YTHDF2: variants seen among roughly 807,000 people sequenced by gnomAD.
YTHDF2 encodes the protein YTH N6-methyladenosine RNA binding protein F2.
Under a neutral mutation model 50.4 loss-of-function variants are expected in YTHDF2, and 2 were observed. The observed-to-expected ratio is 0.04, with a 90% CI of 0.02 to 0.12. The LOEUF (loss-of-function observed/expected upper bound fraction) is 0.12, where lower values mean the gene tolerates loss of function less well. Ranked by LOEUF, YTHDF2 falls within the 10% of genes least tolerant of loss-of-function variation. YTHDF2 has a pLI of 1.00. For synonymous variants in YTHDF2, 217 were observed against 255.6 expected (o/e 0.85, Z 1.44); for missense variants, 483 against 722.6 (o/e 0.67, Z 3.80).
intron 4 of YTHDF2, among the ~76,000 whole-genome samples, chr1:28,744,265 A>C (rs2087823196): frequency 6.6e-6 from 1 of 151,164 alleles, no homozygotes; most frequent in Non-Finnish European, 1.5e-5. Context: ...AAAGAGGTGA[A>C]GAATGAGTCA....
Position 28,742,418 on chromosome 1 carries a change from G to A in YTHDF2, c.148G>A (p.Ala50Thr). 6 of 1,566,726 alleles carry A rather than the reference G, an allele frequency of 3.8e-6. No individual in the cohort carries two copies. Among genetic ancestry groups the A allele is most frequent in the Non-Finnish European group, 4.3e-6 (5 of 1,159,578 alleles). Residue 50 changes from alanine to threonine, a missense_variant, in exon 4 of 5, where the codon GCC becomes ACC. Ala to Thr is a moderately conservative substitution (Grantham distance 58). Around this residue, in one of 4 missense-constraint regions of YTHDF2, gnomAD observed 385 missense variants for 475.8 expected, o/e 0.81. Coordinates refer to ENST00000373812, the MANE Select transcript of YTHDF2 (RefSeq NM_016258.3). ...TCTTCCACAGAATAATGCATATACTGCCATGTCAGATTCCTACTTACCCAG... is the reference window on the plus strand; with the variant it reads ...TCTTCCACAGAATAATGCATATACTACCATGTCAGATTCCTACTTACCCAG... ...PQARPNNAYT[A>T]MSDSYLPSYY...
chr1:28,752,163 C>G (rs1410898166), intron 4 of YTHDF2, among the ~76,000 whole-genome samples: 1 of 152,210 alleles, frequency 6.6e-6, no homozygotes. Flanking sequence ...CATTAAATTA[C>G]ATTATAATTA....
intron 3 of YTHDF2, among the ~76,000 whole-genome samples, chr1:28,741,161 C>T (rs1204304527): frequency 6.6e-6 from 1 of 152,062 alleles, no homozygotes; most frequent in African/African-American, 2.4e-5. Flanking sequence ...CCACGCCTGG[C>T]TAATTTTTGT....
At chr1:28,754,266 G>A (rs1262624870) in intron 4 of YTHDF2, among the ~76,000 whole-genome samples, 9 of 152,198 alleles carry the variant, frequency 5.9e-5, no homozygotes, top group African/African-American at 2.2e-4. Flanking sequence ...GTTGGCTCAC[G>A]CCTCTAATTC....
chr1:28,745,729 C>CG lies in YTHDF2; in HGVS notation c.1716+1743_1716+1744insG, dbSNP rs1457292374. The stretch of plus-strand genomic sequence containing the variant: ...CTAAACTCCCATCTCCCCCCGCCCC[C>CG]CCCCCCCAAAAAAAAACTAACATAT... On this transcript the variant is annotated intron_variant, in intron 4 of 4. Coordinates refer to ENST00000373812, the MANE Select transcript of YTHDF2 (RefSeq NM_016258.3). Among the ~76,000 whole-genome samples the CG allele has an allele frequency of 3.6e-5, 4 of 110,314 alleles. 1 individual carries two copies. The highest frequency in any genetic ancestry group is 1.7e-4 in the Admixed American group (2 of 11,510). The allele number at this position is 110,314 out of a possible 152,430, so 72.4% of individuals were successfully genotyped here. A position where few individuals can be genotyped will look rare whatever the true frequency, so the allele number is the denominator to read the frequency against.
intron 4 of YTHDF2, among the ~76,000 whole-genome samples, chr1:28,744,810 A>G (rs2087834280): frequency 6.6e-6 from 1 of 152,024 alleles, no homozygotes; most frequent in Non-Finnish European, 1.5e-5. Flanking sequence ...CTGGGATCAC[A>G]GTCATGCACC....
At chr1:28,764,465 G>T (rs868806783) in intron 4 of YTHDF2, among the ~76,000 whole-genome samples, 1 of 151,244 alleles carries the variant, frequency 6.6e-6, no homozygotes, top group Middle Eastern at 3.4e-3. Flanking sequence ...TTAGTAGTGG[G>T]GGTTTCACCA....
At chr1:28,749,240 G>C (rs2087911978) in intron 4 of YTHDF2, among the ~76,000 whole-genome samples, 2 of 150,062 alleles carry the variant, frequency 1.3e-5, no homozygotes, top group South Asian at 4.2e-4. Flanking sequence ...CGTCCAGGCG[G>C]GAGTGCAGTG....
At chr1:28,752,913 G>A (rs1366731697) in intron 4 of YTHDF2, among the ~76,000 whole-genome samples, 1 of 151,696 alleles carries the variant, frequency 6.6e-6, no homozygotes, top group Admixed American at 6.6e-5. Flanking sequence ...AGACTTGGTG[G>A]CGCATAACTA....
At chr1:28,737,733 G>T in intron 2 of YTHDF2, 51 bp downstream of exon 2, 1 of 1,603,770 alleles carries the variant, frequency 6.2e-7, no homozygotes, top group African/African-American at 1.3e-5. Flanking sequence ...ACGCGGGGCG[G>T]TGGGGGCGGG....
At chr1:28,744,862 T>C (rs2124172129) in intron 4 of YTHDF2, among the ~76,000 whole-genome samples, 1 of 152,020 alleles carries the variant, frequency 6.6e-6, no homozygotes, top group Non-Finnish European at 1.5e-5. Context: ...TAGAGCTGGG[T>C]TTTGCCATGT....
chr1:28,737,334 C>T, intron 1 of YTHDF2, 187 bp downstream of exon 1: 3 of 775,674 alleles, frequency 3.9e-6, no homozygotes, highest in East Asian at 3.2e-5. Flanking sequence ...CGCTTCTCCT[C>T]GGGCCTCGGA....
At chr1:28,757,112 C>T (rs897703260) in intron 4 of YTHDF2, among the ~76,000 whole-genome samples, 2 of 152,098 alleles carry the variant, frequency 1.3e-5, no homozygotes, top group African/African-American at 2.4e-5. Flanking sequence ...TCATTCCTTG[C>T]GGAATAAACA....
chr1:28,742,587 G>C lies in YTHDF2; in HGVS notation c.317G>C (p.Gly106Ala). 6.2e-7 allele frequency: 1 copy of C among 1,613,914 alleles called. No homozygotes were observed. The highest frequency in any genetic ancestry group is 8.5e-7 in the Non-Finnish European group (1 of 1,179,940). The change falls in exon 4 of 5, where the codon GGG becomes GCG. Residue 106 changes from glycine to alanine, a missense_variant. Gly to Ala is a moderately conservative substitution (Grantham distance 60, BLOSUM62 0). Coordinates refer to ENST00000373812, the MANE Select transcript of YTHDF2 (RefSeq NM_016258.3). ...EPHFLPDAMF[G>A]QPGALGSTPF... ...CACTTCCTACCAGATGCAATGTTTG[G>C]GCAACCAGGAGCCCTAGGTAGCACT... is the stretch of plus-strand genomic sequence containing the variant.
rs56916547 is a variant in YTHDF2, at chr1:28,751,090, C to CAA, written c.1716+7123_1716+7124dup. 2.1e-4 allele frequency among the ~76,000 whole-genome samples: 7 copies of CAA among 33,748 alleles called. 1 individual carries two copies. Among genetic ancestry groups the CAA allele is most frequent in the Admixed American group, 7.8e-4 (2 of 2,576 alleles). The allele number at this position is 33,748 out of a possible 152,430, so 22.1% of individuals were successfully genotyped here. Reference sequence around the variant, plus strand: ...CCTTTGTGACAGAGCGAGACTGTCTCAAAAAAAAAAAAAAAAAAAAGGCTG... The same window carrying CAA: ...CCTTTGTGACAGAGCGAGACTGTCTCAAAAAAAAAAAAAAAAAAAAAAGGCTG... On this transcript the variant is annotated intron_variant, in intron 4 of 4. Coordinates refer to ENST00000373812, the MANE Select transcript of YTHDF2 (RefSeq NM_016258.3).
chr1:28,756,517 T>C (rs1375111221), intron 4 of YTHDF2, among the ~76,000 whole-genome samples: 1 of 152,184 alleles, frequency 6.6e-6, no homozygotes, highest in Non-Finnish European at 1.5e-5. Flanking sequence ...GATTTTTACA[T>C]GTTCAGCTTC....
intron 4 of YTHDF2, among the ~76,000 whole-genome samples, chr1:28,766,369 C>T (rs11589088): frequency 0.046 from 7,030 of 152,116 alleles, 230 homozygotes; most frequent in East Asian, 0.14. Flanking sequence ...TGCCAGCTTC[C>T]GCCTCCCAGA....
chr1:28,736,992 G>A lies in YTHDF2; in HGVS notation c.-129G>A. 8.3e-7 allele frequency: 1 copy of A among 1,201,452 alleles called. No homozygotes were observed. Among genetic ancestry groups the A allele is most frequent in the South Asian group, 1.4e-5 (1 of 71,850 alleles). 74.4% of individuals were successfully genotyped at this position (1,201,452 alleles called of 1,614,324 possible). On this transcript the variant is annotated 5_prime_UTR_variant, in exon 1 of 5. Transcript: ENST00000373812. ...CTGAGCCGCGCGCTGTGTCTCCGCT[G>A]CGTCCGCCGAGGCCCCCGAGTGTCA...
intron 4 of YTHDF2, among the ~76,000 whole-genome samples, chr1:28,756,828 A>G (rs1400796894): frequency 2.0e-5 from 3 of 152,158 alleles, no homozygotes; most frequent in Non-Finnish European, 4.4e-5. Context: ...GGACAGCATG[A>G]TGAAGGACTG....
Sources: gnomAD v4.1 joint callset for allele counts (sites outside exome capture counted in the v4.1 genomes callset) on GRCh38, gnomAD v4.1.1 for gene constraint, gnomAD v4.1.1 regional missense constraint, MANE v1.5 for transcripts, NCBI Gene and HGNC (gene_info 2026-07-23, HGNC 2026-07-21) for gene names.